The following DTNBP1 variants were observed in gnomAD, a reference collection of about 807,000 sequenced individuals.
DTNBP1 encodes dysbindin.
A neutral mutation model predicts 42.8 loss-of-function variants in DTNBP1; 35 were observed. The ratio of observed to expected loss-of-function variants is 0.82; its 90% confidence interval spans 0.63 to 1.09. The LOEUF is 1.09. Ranked by LOEUF, DTNBP1 falls within the 50% of genes least tolerant of loss-of-function variation. The pLI is 0.00. For synonymous variants in DTNBP1, 171 were observed against 162.2 expected, an observed-to-expected ratio of 1.05 and a Z score of -0.41; for missense variants, 457 against 424.2, an observed-to-expected ratio of 1.08 and a Z score of -0.68.
chr6:15,662,730 C>G, intron 1 of DTNBP1, 84 bp downstream of exon 1: 1 of 1,576,308 alleles, frequency 6.3e-7, no homozygotes, highest in Non-Finnish European at 8.7e-7. Context: ...TGGACCGTGG[C>G]GCGGGGAAGG....
At position 15,634,722 on chromosome 6, in the gene DTNBP1, C is replaced by T. The variant is rs538626652; in HGVS notation, c.222+3022G>A. Reference sequence around the variant, plus strand: ...ATCAATACATTTCCCCCAAATAATACGGAAGTGTTAGAATGCTTGAACGCT... The same window carrying T: ...ATCAATACATTTCCCCCAAATAATATGGAAGTGTTAGAATGCTTGAACGCT... On this transcript the variant is annotated intron_variant, in intron 4 of 9. Transcript: ENST00000344537. Among the ~76,000 whole-genome samples, 346 of 152,258 alleles carry T rather than the reference C, an allele frequency of 2.3e-3. 1 individual carries two copies. The highest frequency in any genetic ancestry group is 7.2e-3 in the African/African-American group (299 of 41,536).
Position 15,627,409 on chromosome 6 carries a change from G to A in DTNBP1, c.289C>T (p.Leu97=), listed in dbSNP as rs754095042. The change falls in exon 5 of 10, where the codon CTG becomes TTG. Residue 97 remains leucine, a synonymous_variant. Transcript: ENST00000344537. ...WEKKKTSLVE[L]QEQLQQLPAL... ...GGGAGCTGCTGGAGCTGCTCTTGCA[G>A]CTCCACGAGGCTTGTCTTTTTCTTC... 2.5e-6 allele frequency: 4 copies of A among 1,613,866 alleles called. No homozygotes were observed. The highest frequency in any genetic ancestry group is 3.4e-6 in the Non-Finnish European group (4 of 1,179,972).
In DTNBP1 at chr6:15,532,081, T is replaced by A. The variant is rs55968020; in HGVS notation, c.667+1159A>T. 1.1e-4 allele frequency among the ~76,000 whole-genome samples: 16 copies of A among 151,916 alleles called. No individual in the cohort carries two copies. In the East Asian group the frequency reaches 2.9e-3, roughly 28 times the overall value. ...CTGGGGAAAGGATGAAGGCTGAGAT[T>A]TGGGGGGTGAGGGAGGTGTCCAGAA... On this transcript the variant is annotated intron_variant, in intron 8 of 9. Coordinates refer to ENST00000344537, the MANE Select transcript of DTNBP1 (RefSeq NM_032122.5).
intron 5 of DTNBP1, among the ~76,000 whole-genome samples, chr6:15,618,008 T>A (rs1233030563): frequency 6.6e-6 from 1 of 152,286 alleles, no homozygotes; most frequent in East Asian, 1.9e-4. Context: ...CCTTTGAATA[T>A]ATCCCTAGTA....
At chr6:15,600,700 A>G (rs1315260968) in intron 6 of DTNBP1, among the ~76,000 whole-genome samples, 1 of 152,218 alleles carries the variant, frequency 6.6e-6, no homozygotes, top group Non-Finnish European at 1.5e-5. Flanking sequence ...ATTGGGCTGG[A>G]CTGAGAACTG....
intron 3 of DTNBP1, among the ~76,000 whole-genome samples, chr6:15,646,744 C>T (rs958735120): frequency 6.6e-5 from 10 of 151,744 alleles, no homozygotes; most frequent in East Asian, 5.8e-4. Flanking sequence ...TCTTCAGCAA[C>T]GTCAACAAAA....
chr6:15,651,410 T>TG (rs1337127425), intron 2 of DTNBP1, 47 bp from the exon 3 acceptor site: 1 of 1,579,990 alleles, frequency 6.3e-7, no homozygotes, highest in Non-Finnish European at 8.6e-7. Context: ...TTTAGCCAAC[T>TG]GAAAAAAAAA....
At chr6:15,528,606 G>A (rs1285714066) in intron 8 of DTNBP1, among the ~76,000 whole-genome samples, 4 of 152,168 alleles carry the variant, frequency 2.6e-5, no homozygotes, top group Non-Finnish European at 2.9e-5. Flanking sequence ...CAACAGATTA[G>A]CAAAAATTTA....
chr6:15,532,697 CTTTTTTTTTTT>C (rs373480713), intron 8 of DTNBP1, among the ~76,000 whole-genome samples: 1 of 93,100 alleles, frequency 1.1e-5, no homozygotes, highest in Non-Finnish European at 1.9e-5. Flanking sequence ...TGTTTGTAAT[CTTTTTTTTTTT>C]TTTTTTTTTT....
At chr6:15,607,843 A>C (rs1392726384) in intron 6 of DTNBP1, among the ~76,000 whole-genome samples, 1 of 152,234 alleles carries the variant, frequency 6.6e-6, no homozygotes, top group East Asian at 1.9e-4. Flanking sequence ...CTGAAGTCAA[A>C]GAGCACCCAG....
At chr6:15,586,073 G>C in intron 7 of DTNBP1, 2 of 1,108,604 alleles carry the variant, frequency 1.8e-6, no homozygotes, top group Non-Finnish European at 2.2e-6. Context: ...GGGGAGGGAA[G>C]GCTGAAAATA....
At chr6:15,601,732 G>T (rs1338666833) in intron 6 of DTNBP1, among the ~76,000 whole-genome samples, 5 of 151,834 alleles carry the variant, frequency 3.3e-5, no homozygotes, top group Non-Finnish European at 5.9e-5. Context: ...TGTAATTCCA[G>T]CTTCTCAGGA....
chr6:15,642,367 G>C (rs1760420079), intron 3 of DTNBP1, among the ~76,000 whole-genome samples: 2 of 152,176 alleles, frequency 1.3e-5, no homozygotes, highest in African/African-American at 4.8e-5. Context: ...AATGAGGAGT[G>C]GGTGTACCCA....
intron 7 of DTNBP1, among the ~76,000 whole-genome samples, chr6:15,549,491 T>TTA (rs1373910270): frequency 2.2e-4 from 17 of 77,954 alleles, no homozygotes; most frequent in African/African-American, 8.0e-4. Flanking sequence ...TCTCAGGGAT[T>TTA]AAAAAAAAAA....
intron 7 of DTNBP1, among the ~76,000 whole-genome samples, chr6:15,569,847 G>A (rs1232737377): frequency 3.3e-5 from 5 of 152,098 alleles, no homozygotes; most frequent in Non-Finnish European, 5.9e-5. Flanking sequence ...CACCACGTCA[G>A]GTAGTCCCTG....
intron 5 of DTNBP1, among the ~76,000 whole-genome samples, chr6:15,620,194 C>G (rs1191893384): frequency 2.0e-5 from 3 of 151,948 alleles, no homozygotes; most frequent in Non-Finnish European, 4.4e-5. Flanking sequence ...CTTCAGGGAC[C>G]ACATCAAACA....
intron 3 of DTNBP1, among the ~76,000 whole-genome samples, chr6:15,643,211 C>G (rs187368302): frequency 6.6e-6 from 1 of 152,048 alleles, no homozygotes; most frequent in African/African-American, 2.4e-5. Flanking sequence ...AGCTTGTAGA[C>G]CAGTCATTCA....
chr6:15,528,626 T>A lies in DTNBP1; in HGVS notation c.668-3957A>T, dbSNP rs78216151. Among the ~76,000 whole-genome samples, 1,490 of 152,314 alleles carry A rather than the reference T, an allele frequency of 9.8e-3. 15 individuals carry two copies. Among genetic ancestry groups the A allele is most frequent in the Non-Finnish European group, 0.012 (820 of 68,038 alleles). ...GATTAGCAAAAATTTAAAAATCTGA[T>A]GCTACCAAGTGCCGGCGAAGATGTA... On this transcript the variant is annotated intron_variant, in intron 8 of 9. Transcript: ENST00000344537.
chr6:15,633,196 A>T (rs1233673199), intron 4 of DTNBP1, among the ~76,000 whole-genome samples: 1 of 152,238 alleles, frequency 6.6e-6, no homozygotes, highest in Non-Finnish European at 1.5e-5. Flanking sequence ...TTTCATGCCC[A>T]CTAATGCAAC....
Sources: allele counts gnomAD v4.1 joint callset (sites outside exome capture counted in the v4.1 genomes callset), GRCh38; gene constraint gnomAD v4.1.1; transcripts MANE v1.5; gene names NCBI Gene and HGNC (gene_info 2026-07-23, HGNC 2026-07-21).